The following MEIS2 variants were observed in gnomAD, a reference collection of about 807,000 sequenced individuals.
MEIS2 encodes homeobox protein Meis2.
Under a neutral mutation model 58.6 loss-of-function variants are expected in MEIS2, and 9 were observed. The ratio of observed to expected loss-of-function variants is 0.15; its 90% CI spans 0.09 to 0.27. The LOEUF is 0.27. Among genes scored for constraint, MEIS2 ranks in the 10% least tolerant of loss-of-function variants. The pLI is 1.00. For missense variants in MEIS2, 427 were observed against 635.0 expected, an observed-to-expected ratio of 0.67 and a Z score of 3.52; for synonymous variants, 221 against 228.4, an observed-to-expected ratio of 0.97 and a Z score of 0.29.
intron 9 of MEIS2, among the ~76,000 whole-genome samples, chr15:36,928,351 A>G (rs921121691): frequency 6.6e-6 from 1 of 152,162 alleles, no homozygotes; most frequent in African/African-American, 2.4e-5. Context: ...TACTTTTTGG[A>G]GCTCCTACCA....
At chr15:36,928,097 A>G (rs1402238990) in intron 9 of MEIS2, among the ~76,000 whole-genome samples, 1 of 152,192 alleles carries the variant, frequency 6.6e-6, no homozygotes, top group East Asian at 1.9e-4. Flanking sequence ...CTCTGTGAAA[A>G]TACTCCAGCA....
chr15:37,002,643 A>AT (rs2060774057), intron 8 of MEIS2, among the ~76,000 whole-genome samples: 2 of 151,934 alleles, frequency 1.3e-5, no homozygotes, highest in African/African-American at 4.8e-5. Context: ...ATCTAGTAGC[A>AT]TTTTTTTCTT....
At chr15:36,969,906 C>CT (rs1195738045) in intron 8 of MEIS2, among the ~76,000 whole-genome samples, 2 of 148,964 alleles carry the variant, frequency 1.3e-5, no homozygotes, top group South Asian at 2.2e-4. Context: ...CTTTTTTTTT[C>CT]TTTTCGCAAA....
At chr15:37,053,818 T>C (rs2063023994) in intron 7 of MEIS2, among the ~76,000 whole-genome samples, 1 of 152,182 alleles carries the variant, frequency 6.6e-6, no homozygotes. Flanking sequence ...CAAGACATGA[T>C]AGGGAGATAA....
At chr15:37,028,739 T>C (rs1595960294) in intron 8 of MEIS2, among the ~76,000 whole-genome samples, 2 of 152,186 alleles carry the variant, frequency 1.3e-5, no homozygotes, top group East Asian at 3.9e-4. Context: ...CTTTCATTTT[T>C]AGACATTCTT....
At chr15:37,085,003 C>T (rs1195447589) in intron 6 of MEIS2, among the ~76,000 whole-genome samples, 1 of 152,034 alleles carries the variant, frequency 6.6e-6, no homozygotes, top group Admixed American at 6.6e-5. Context: ...AAAATAGTTC[C>T]TCAAAACCAA....
chr15:37,011,285 C>A (rs2061141441), intron 8 of MEIS2, among the ~76,000 whole-genome samples: 1 of 152,182 alleles, frequency 6.6e-6, no homozygotes, highest in South Asian at 2.1e-4. Flanking sequence ...CAATTTGTCA[C>A]CTTCAATGAT....
intron 9 of MEIS2, among the ~76,000 whole-genome samples, chr15:36,924,138 A>G (rs1380957441): frequency 6.6e-6 from 1 of 152,216 alleles, no homozygotes; most frequent in Admixed American, 6.5e-5. Flanking sequence ...TCATTACTTC[A>G]TAAGCAAGAG....
intron 7 of MEIS2, among the ~76,000 whole-genome samples, chr15:37,066,954 T>A (rs1028041034): frequency 7.4e-5 from 11 of 147,732 alleles, no homozygotes; most frequent in African/African-American, 2.5e-4. Flanking sequence ...AACTTTTTTG[T>A]TTTTTTTGTA....
At chr15:37,033,874 C>G (rs1340851207) in intron 8 of MEIS2, among the ~76,000 whole-genome samples, 5 of 152,044 alleles carry the variant, frequency 3.3e-5, no homozygotes, top group Non-Finnish European at 5.9e-5. Flanking sequence ...TTTACAGGAC[C>G]ATCCTCATCA....
At position 36,966,863 on chromosome 15, in the gene MEIS2, T is replaced by C. The variant is rs184284087; in HGVS notation, c.901-16463A>G. ...ATTTTGAGAAGGTGACATTTGATCA[T>C]AGACAAGTGTAGTCAGAGCCAGCTA... On this transcript the variant is annotated intron_variant, in intron 8 of 11. Coordinates refer to ENST00000561208, the MANE Select transcript of MEIS2 (RefSeq NM_170675.5). Among the ~76,000 whole-genome samples the C allele has an allele frequency of 8.8e-5, 12 of 136,478 alleles. No individual in the cohort carries two copies. In the East Asian group the frequency reaches 2.3e-3, roughly 26 times the overall value. 89.5% of individuals were successfully genotyped at this position (136,478 alleles called of 152,430 possible).
chr15:36,914,736 C>A (rs1029851947), intron 9 of MEIS2, among the ~76,000 whole-genome samples: 2 of 152,074 alleles, frequency 1.3e-5, no homozygotes, highest in Non-Finnish European at 2.9e-5. Context: ...AATTCCCAAA[C>A]GTGACAGAGT....
chr15:37,009,221 G>A lies in MEIS2; in HGVS notation c.900+27593C>T, dbSNP rs376860653. Among the ~76,000 whole-genome samples the A allele has an allele frequency of 3.3e-5, 5 of 152,204 alleles. No homozygotes were observed. In the South Asian group the frequency reaches 8.3e-4, roughly 25 times the overall value. ...AGAGAATGGCATGAACCTGGGAGGC[G>A]GAGCTTGCAGTGAGCCGAGATCGCG... On this transcript the variant is annotated intron_variant, in intron 8 of 11. Coordinates refer to ENST00000561208, the MANE Select transcript of MEIS2 (RefSeq NM_170675.5).
intron 8 of MEIS2, among the ~76,000 whole-genome samples, chr15:36,965,635 T>C (rs1353241856): frequency 1.3e-5 from 2 of 152,104 alleles, no homozygotes; most frequent in African/African-American, 4.8e-5. Flanking sequence ...TATTTATATG[T>C]CTCCCACCAG....
chr15:36,914,239 AAGG>A (rs750360362), intron 9 of MEIS2, among the ~76,000 whole-genome samples: 24 of 152,192 alleles, frequency 1.6e-4, no homozygotes, highest in Non-Finnish European at 2.9e-4. Flanking sequence ...GTAAGAATCC[AAGG>A]AGAACACAGA....
At chr15:37,083,160 C>T (rs573426562) in intron 7 of MEIS2, among the ~76,000 whole-genome samples, 2 of 152,268 alleles carry the variant, frequency 1.3e-5, no homozygotes, top group African/African-American at 4.8e-5. Context: ...GCTTCCTCAA[C>T]ATCTGCAGTT....
intron 8 of MEIS2, among the ~76,000 whole-genome samples, chr15:36,955,731 T>G (rs898111707): frequency 2.6e-5 from 4 of 152,182 alleles, no homozygotes; most frequent in Non-Finnish European, 5.9e-5. Context: ...GCTATTCTAC[T>G]GCCAAGCTAA....
At chr15:36,922,233 G>C (rs2057540831) in intron 9 of MEIS2, among the ~76,000 whole-genome samples, 1 of 152,236 alleles carries the variant, frequency 6.6e-6, no homozygotes, top group South Asian at 2.1e-4. Flanking sequence ...AAGCCCTCAA[G>C]CCTGGAAGAG....
chr15:37,085,875 C>T (rs1292438179), intron 6 of MEIS2, among the ~76,000 whole-genome samples: 1 of 152,018 alleles, frequency 6.6e-6, no homozygotes, highest in Non-Finnish European at 1.5e-5. Flanking sequence ...GCTCCTCAAG[C>T]TTTGAAGCCT....
Sources: gnomAD v4.1 joint callset for allele counts (sites outside exome capture counted in the v4.1 genomes callset) on GRCh38, gnomAD v4.1.1 for gene constraint, MANE v1.5 for transcripts, NCBI Gene and HGNC (gene_info 2026-07-23, HGNC 2026-07-21) for gene names.